MTMR12: variants seen among roughly 807,000 people sequenced by gnomAD.
MTMR12 encodes myotubularin-related protein 12.
A neutral mutation model predicts 96.7 loss-of-function variants in MTMR12; 33 were observed. The observed-to-expected ratio is 0.34, with a 90% CI of 0.26 to 0.46. The LOEUF (loss-of-function observed/expected upper bound fraction) is 0.46, where lower values mean the gene tolerates loss of function less well. Among genes scored for constraint, MTMR12 ranks in the 20% least tolerant of loss-of-function variants. MTMR12 has a pLI of 1.00. For synonymous variants in MTMR12, 298 were observed against 327.2 expected (o/e 0.91, Z 0.96); for missense variants, 721 against 896.1 (o/e 0.80, Z 2.49).
chr5:32,311,020 C>T (rs935397471), intron 1 of MTMR12, among the ~76,000 whole-genome samples: 1 of 151,882 alleles, frequency 6.6e-6, no homozygotes, highest in African/African-American at 2.4e-5. Flanking sequence ...ATTACAGGTG[C>T]GCACCACCAT....
At chr5:32,303,192 T>C (rs937806157) in intron 1 of MTMR12, among the ~76,000 whole-genome samples, 9 of 152,248 alleles carry the variant, frequency 5.9e-5, no homozygotes, top group Middle Eastern at 3.2e-3. Flanking sequence ...TTGATATTAA[T>C]AAATGTTCAT....
intron 4 of MTMR12, 123 bp from the exon 5 acceptor site, chr5:32,271,070 GC>G: frequency 8.4e-7 from 1 of 1,189,216 alleles, no homozygotes; most frequent in Non-Finnish European, 1.2e-6. Flanking sequence ...GAAAGGTGCT[GC>G]CTGACTTTTA....
chr5:32,263,715 GGAGT>G (rs367803502), intron 6 of MTMR12, among the ~76,000 whole-genome samples: 6 of 152,310 alleles, frequency 3.9e-5, no homozygotes, highest in African/African-American at 1.4e-4. Context: ...TGGGATTACA[GGAGT>G]GAGCCATCGC....
intron 6 of MTMR12, among the ~76,000 whole-genome samples, 190 bp from the exon 7 acceptor site, chr5:32,263,432 CTT>C (rs1322346251): frequency 1.4e-4 from 20 of 139,732 alleles, no homozygotes; most frequent in African/African-American, 1.8e-4. Flanking sequence ...GACTGAGTCT[CTT>C]TTTTTTTTTT....
intron 1 of MTMR12, among the ~76,000 whole-genome samples, chr5:32,281,248 TAAA>T (rs72123716): frequency 9.3e-6 from 1 of 107,460 alleles, no homozygotes; most frequent in Admixed American, 1.0e-4. Context: ...ACTCTATCAT[TAAA>T]AAAAAAAAAA....
rs750734433 is a variant in MTMR12 at position 32,230,226 on chromosome 5, A to G, written c.1796T>C (p.Ile599Thr). Residue 599 changes from isoleucine (I) to threonine (T), a missense_variant, in exon 16 of 16, where the codon ATT (isoleucine) becomes ACT (threonine). Ile to Thr is a moderately conservative substitution (Grantham distance 89). Transcript: ENST00000382142. ...GTCTTGGAGCTCATCAGAAGAATTA[A>G]TAAGTTTGCTAATTCTCTTGCCCAG... ...NLLGKRISKL[I>T]NSSDELQDNF... 2 of 1,614,234 alleles carry G rather than the reference A, an allele frequency of 1.2e-6. No homozygotes were observed. The highest frequency in any genetic ancestry group is 1.7e-6 in the Non-Finnish European group (2 of 1,180,032).
chr5:32,257,603 T>C (rs1248288402), intron 7 of MTMR12, among the ~76,000 whole-genome samples: 1 of 152,032 alleles, frequency 6.6e-6, no homozygotes, highest in Non-Finnish European at 1.5e-5. Context: ...ACCTTGAATC[T>C]ACTAAAAATA....
intron 1 of MTMR12, among the ~76,000 whole-genome samples, chr5:32,289,320 CAG>C (rs1448471504): frequency 6.6e-6 from 1 of 152,308 alleles, no homozygotes; most frequent in South Asian, 2.1e-4. Flanking sequence ...ATTATAAAAA[CAG>C]AGAATCACGG....
At chr5:32,260,447 C>A (rs1407132332) in intron 7 of MTMR12, among the ~76,000 whole-genome samples, 1 of 151,726 alleles carries the variant, frequency 6.6e-6, no homozygotes, top group Admixed American at 6.6e-5. Flanking sequence ...CATGCTAACA[C>A]CTATGCAAAT....
chr5:32,248,969 C>A, intron 8 of MTMR12, 91 bp from the exon 9 acceptor site: 1 of 947,282 alleles, frequency 1.1e-6, no homozygotes, highest in Non-Finnish European at 1.7e-6. Context: ...ACAGGGAAAT[C>A]TGTAACTTCA....
In MTMR12 at chr5:32,233,914, T is replaced by G. The variant is rs1748106275; in HGVS notation, c.1533A>C (p.Thr511=). The change falls in exon 15 of 16, where the codon ACA becomes ACC. Residue 511 remains threonine (T), a synonymous_variant. Transcript: ENST00000382142. This position sits in a 1 kb window ranked among gnomAD's most constrained non-coding sequence, Gnocchi z 5.0. ...TGAGCAGATTCAAAGGCTTGCTTTG[T>G]GTATCCTGGCCTTCTCTACCCTGCC... ...DTNMGREGQD[T]QSKPLNLLTV... is the part of the protein sequence containing the mutation. 6.2e-7 allele frequency: 1 copy of G among 1,614,208 alleles called. No individual in the cohort carries two copies. The highest frequency in any genetic ancestry group is 2.2e-5 in the East Asian group (1 of 44,886).
intron 2 of MTMR12, 47 bp downstream of exon 2, chr5:32,276,635 A>G (rs369794144): frequency 2.0e-6 from 3 of 1,499,862 alleles, no homozygotes; most frequent in South Asian, 1.1e-5. Context: ...GTAATTTATC[A>G]TTGGCTTTGC....
At position 32,312,787 on chromosome 5, in the gene MTMR12, G is replaced by A. The variant is rs1013108271; in HGVS notation, c.52C>T (p.Pro18Ser). The A allele has an allele frequency of 2.0e-5, 30 of 1,533,806 alleles. No homozygotes were observed. Among genetic ancestry groups the A allele is most frequent in the Admixed American group, 4.0e-5 (2 of 49,652 alleles). Residue 18 changes from proline to serine, a missense_variant, in exon 1 of 16, where the codon CCC becomes TCC. Transcript: ENST00000382142. This position sits in a 1 kb window ranked among gnomAD's most constrained non-coding sequence, Gnocchi z 5.0. ...GGGCGTACGTACGACACGAAGGAGG[G>A]CTTGGGGGCCTTGGTGCCGCCGCCA... ...GGGGGTKAPK[P>S]SFVSYVRPEE...
Position 32,286,519 on chromosome 5 carries a change from C to G in MTMR12, c.82-9777G>C, listed in dbSNP as rs559538774. On this transcript the variant is annotated intron_variant, in intron 1 of 15. Coordinates refer to ENST00000382142, the MANE Select transcript of MTMR12 (RefSeq NM_001040446.3). ...TGGGCGACAAAGTGAGACCCTGTCT[C>G]AAAAAAAAAAAAGGATTGACTTTTG... Among the ~76,000 whole-genome samples the G allele has an allele frequency of 6.1e-5, 8 of 131,156 alleles. No homozygotes were observed. In the South Asian group the frequency reaches 1.9e-3, roughly 32 times the overall value. 86.0% of individuals were successfully genotyped at this position (131,156 alleles called of 152,430 possible).
chr5:32,288,319 T>C (rs1750620371), intron 1 of MTMR12, among the ~76,000 whole-genome samples: 1 of 152,110 alleles, frequency 6.6e-6, no homozygotes, highest in African/African-American at 2.4e-5. Context: ...CCCTAACCCA[T>C]ACTGCCATCA....
intron 3 of MTMR12, among the ~76,000 whole-genome samples, chr5:32,272,955 T>C (rs1749894425): frequency 1.3e-5 from 2 of 152,152 alleles, no homozygotes; most frequent in Non-Finnish European, 2.9e-5. Context: ...TCTGGGACAG[T>C]TGGCACATTG....
chr5:32,258,188 A>T (rs1749217260), intron 7 of MTMR12, among the ~76,000 whole-genome samples: 1 of 152,202 alleles, frequency 6.6e-6, no homozygotes, highest in Non-Finnish European at 1.5e-5. Flanking sequence ...AGTTCCAATA[A>T]GATTGTGATA....
intron 5 of MTMR12, 91 bp downstream of exon 5, chr5:32,270,726 C>A: frequency 7.2e-7 from 1 of 1,387,290 alleles, no homozygotes; most frequent in Non-Finnish European, 9.8e-7. Context: ...TGAAAGCCTC[C>A]CCTCAACCTT....
intron 1 of MTMR12, among the ~76,000 whole-genome samples, chr5:32,281,673 G>A (rs538708761): frequency 1.3e-5 from 2 of 152,248 alleles, no homozygotes; most frequent in African/African-American, 2.4e-5. Flanking sequence ...AGGCTGGGGC[G>A]GGTGGATCAC....
Sources: allele counts gnomAD v4.1 joint callset (sites outside exome capture counted in the v4.1 genomes callset), GRCh38; gene constraint gnomAD v4.1.1; non-coding constraint Gnocchi (gnomAD v3.1); transcripts MANE v1.5; gene names NCBI Gene and HGNC (gene_info 2026-07-23, HGNC 2026-07-21).